AGBL1: variants seen among roughly 807,000 people sequenced by gnomAD.
The protein encoded by AGBL1 is AGBL carboxypeptidase 1.
A neutral mutation model predicts 118.9 loss-of-function variants in AGBL1; 130 were observed. The observed-to-expected ratio is 1.09, with a 90% CI of 0.95 to 1.26. The LOEUF (loss-of-function observed/expected upper bound fraction) is 1.26. Ranked by LOEUF, AGBL1 falls within the 50% of genes most tolerant of loss-of-function variation. The pLI, the probability that AGBL1 is intolerant of heterozygous loss-of-function variation, is 0.00. For missense variants in AGBL1, 1,584 were observed against 1,298.1 expected (o/e 1.22, Z -3.38); for synonymous variants, 555 against 478.9 (o/e 1.16, Z -2.08).
At chr15:86,465,607 A>C (rs192462636) in intron 18 of AGBL1, among the ~76,000 whole-genome samples, 97 of 152,324 alleles carry the variant, frequency 6.4e-4, no homozygotes, top group Non-Finnish European at 1.1e-3. Context: ...GGAGGTCTCT[A>C]AACTGGCCGC....
At chr15:86,930,778 A>G (rs2080594999) in intron 23 of AGBL1, among the ~76,000 whole-genome samples, 1 of 152,168 alleles carries the variant, frequency 6.6e-6, no homozygotes, top group African/African-American at 2.4e-5. Context: ...AACCATAGAT[A>G]TAAAGGAAAA....
At chr15:86,277,146 G>GT (rs1567173160) in intron 15 of AGBL1, among the ~76,000 whole-genome samples, 1 of 132,004 alleles carries the variant, frequency 7.6e-6, no homozygotes, top group Admixed American at 7.4e-5. Context: ...TTTATAATAA[G>GT]ATTTTTTTTT....
intron 17 of AGBL1, among the ~76,000 whole-genome samples, chr15:86,372,684 C>G (rs917214788): frequency 3.9e-5 from 6 of 152,134 alleles, no homozygotes; most frequent in South Asian, 4.1e-4. Flanking sequence ...TACAATGTCA[C>G]CTGGGACCAA....
intron 21 of AGBL1, among the ~76,000 whole-genome samples, chr15:86,623,900 G>A (rs191148083): frequency 4.6e-5 from 7 of 152,314 alleles, no homozygotes; most frequent in Admixed American, 4.6e-4. Flanking sequence ...TCACCTAGAA[G>A]AGGCACAATT....
intron 17 of AGBL1, among the ~76,000 whole-genome samples, chr15:86,314,808 G>T (rs139501845): frequency 6.6e-6 from 1 of 152,052 alleles, no homozygotes; most frequent in African/African-American, 2.4e-5. Context: ...ATCTTTTCTC[G>T]TTGTGAATTC....
intron 6 of AGBL1, among the ~76,000 whole-genome samples, chr15:86,236,163 G>T (rs1372678753): frequency 6.6e-6 from 1 of 152,124 alleles, no homozygotes; most frequent in African/African-American, 2.4e-5. Context: ...ATAAACAGAT[G>T]ACAGTGTAGC....
At chr15:86,169,262 A>G (rs1181507083) in intron 5 of AGBL1, among the ~76,000 whole-genome samples, 1 of 152,192 alleles carries the variant, frequency 6.6e-6, no homozygotes, top group Non-Finnish European at 1.5e-5. Flanking sequence ...TTCAGGGATT[A>G]CCCTCAGGTA....
At chr15:86,523,507 G>C (rs561771497) in intron 19 of AGBL1, among the ~76,000 whole-genome samples, 88 of 152,196 alleles carry the variant, frequency 5.8e-4, no homozygotes, top group South Asian at 5.2e-3. Flanking sequence ...CTTTTGGGGG[G>C]ACACAATTGA....
rs760093452 is a variant in AGBL1 at position 86,551,611 on chromosome 15, C to A, written c.2818-2750C>A. 1.1e-4 allele frequency among the ~76,000 whole-genome samples: 16 copies of A among 152,228 alleles called. No homozygotes were observed. The East Asian group carries it at 2.9e-3, about 28-fold the overall frequency. On this transcript the variant is annotated intron_variant, in intron 20 of 22. Coordinates refer to ENST00000614907, the MANE Select transcript of AGBL1 (RefSeq NM_001386094.1). ...CTAGGCCCAAATGGCTTTGTTGATACATTCTATCAAACTCTTAAGAACAAA... is the reference window on the plus strand; with the variant it reads ...CTAGGCCCAAATGGCTTTGTTGATAAATTCTATCAAACTCTTAAGAACAAA...
At chr15:86,341,166 C>G (rs1302649224) in intron 17 of AGBL1, among the ~76,000 whole-genome samples, 3 of 152,194 alleles carry the variant, frequency 2.0e-5, no homozygotes, top group African/African-American at 7.2e-5. Flanking sequence ...ACTTAGGGTG[C>G]TTCATTGGGA....
chr15:86,704,517 C>A (rs572935189), intron 22 of AGBL1, among the ~76,000 whole-genome samples: 1 of 152,056 alleles, frequency 6.6e-6, no homozygotes, highest in Non-Finnish European at 1.5e-5. Context: ...ATGTGGCCAA[C>A]AAACATATCA....
intron 23 of AGBL1, among the ~76,000 whole-genome samples, chr15:86,938,639 C>A (rs977699584): frequency 2.0e-5 from 3 of 152,148 alleles, no homozygotes; most frequent in Admixed American, 6.5e-5. Flanking sequence ...AAGCCAATAT[C>A]TCTCTCTCAG....
At chr15:86,219,983 A>G (rs1386263576) in intron 5 of AGBL1, among the ~76,000 whole-genome samples, 3 of 95,144 alleles carry the variant, frequency 3.2e-5, no homozygotes, top group Non-Finnish European at 5.8e-5. Flanking sequence ...ATGGAGTTTC[A>G]CTCTGTTGCC....
intron 19 of AGBL1, among the ~76,000 whole-genome samples, chr15:86,524,175 T>C (rs1234200007): frequency 2.0e-5 from 3 of 152,064 alleles, no homozygotes; most frequent in African/African-American, 7.2e-5. Context: ...CACCCAGAGG[T>C]GTATGGCAGA....
chr15:86,257,939 A>C, intron 8 of AGBL1, 25 bp from the exon 9 acceptor site: 7 of 1,610,118 alleles, frequency 4.3e-6, no homozygotes, highest in African/African-American at 1.3e-5. Context: ...AACTTCACTT[A>C]TTTCACCTCT....
intron 5 of AGBL1, among the ~76,000 whole-genome samples, chr15:86,167,166 A>T (rs2077352934): frequency 6.6e-6 from 1 of 151,942 alleles, no homozygotes; most frequent in Non-Finnish European, 1.5e-5. Flanking sequence ...AACTTGGGGG[A>T]GGTATGGAAA....
intron 6 of AGBL1, among the ~76,000 whole-genome samples, chr15:86,237,446 A>G (rs1163189190): frequency 1.3e-5 from 2 of 152,184 alleles, no homozygotes; most frequent in African/African-American, 4.8e-5. Flanking sequence ...TGCCTTAAAT[A>G]TCAAGTTGGG....
At chr15:86,516,029 G>T (rs1351668523) in intron 18 of AGBL1, among the ~76,000 whole-genome samples, 3 of 152,170 alleles carry the variant, frequency 2.0e-5, no homozygotes, top group Non-Finnish European at 4.4e-5. Context: ...GTCATAGGTA[G>T]ATAAGAGACA....
At chr15:86,361,483 G>T (rs57479704) in intron 17 of AGBL1, among the ~76,000 whole-genome samples, 2 of 152,056 alleles carry the variant, frequency 1.3e-5, no homozygotes, top group Non-Finnish European at 2.9e-5. Context: ...GAGCTGTTCA[G>T]TTCTGCTTTT....
Sources: allele counts gnomAD v4.1 joint callset (sites outside exome capture counted in the v4.1 genomes callset), GRCh38; gene constraint gnomAD v4.1.1; transcripts MANE v1.5; gene names NCBI Gene and HGNC (gene_info 2026-07-23, HGNC 2026-07-21).